Variants in TAS2R1 observed in about 807,000 individuals in gnomAD.
The protein encoded by TAS2R1 is taste receptor type 2 member 1.
For missense variants in TAS2R1, 370 were observed against 353.4 expected (o/e 1.05, Z -0.38); for synonymous variants, 141 against 134.2 (o/e 1.05, Z -0.35).
the TAS2R1 span, among the ~76,000 whole-genome samples, chr5:9,718,237 G>A: frequency 1.3e-5 from 2 of 151,516 alleles, no homozygotes; most frequent in South Asian, 2.1e-4. Flanking sequence ...CCAAAGTGTT[G>A]GGATTACAGG....
the TAS2R1 span, among the ~76,000 whole-genome samples, chr5:9,755,199 T>A: frequency 0.33 from 49,878 of 151,946 alleles, 9,401 homozygotes; most frequent in Admixed American, 0.43. Context: ...AGAGTCCCGA[T>A]CCAGACTCCG....
the TAS2R1 span, among the ~76,000 whole-genome samples, chr5:9,787,281 T>C: frequency 1.3e-5 from 2 of 152,082 alleles, no homozygotes; most frequent in African/African-American, 4.8e-5. Context: ...TAAGAGAAAA[T>C]TTGCTTTGCA....
the TAS2R1 span, among the ~76,000 whole-genome samples, chr5:9,895,229 A>C: frequency 5.3e-5 from 8 of 152,236 alleles, no homozygotes; most frequent in Non-Finnish European, 1.2e-4. Context: ...CTGCAAAACC[A>C]GTGCCTTCTG....
At chr5:9,695,025 C>A (rs1468927325) in intron 1 of TAS2R1, among the ~76,000 whole-genome samples, 7 of 152,154 alleles carry the variant, frequency 4.6e-5, no homozygotes, top group Non-Finnish European at 8.8e-5. Context: ...GGTCAAATCC[C>A]AAGGGCACTG....
chr5:9,680,349 G>T (rs989477644), intron 1 of TAS2R1, among the ~76,000 whole-genome samples: 1 of 152,068 alleles, frequency 6.6e-6, no homozygotes, highest in Non-Finnish European at 1.5e-5. Context: ...CCTCAAGAAG[G>T]GGGAGCATAA....
the TAS2R1 span, among the ~76,000 whole-genome samples, chr5:9,780,588 T>A: frequency 6.6e-6 from 1 of 152,206 alleles, no homozygotes; most frequent in East Asian, 1.9e-4. Flanking sequence ...GTAATGATTA[T>A]ACTCTTTTGG....
chr5:9,736,841 T>A, the TAS2R1 span, among the ~76,000 whole-genome samples: 37 of 152,170 alleles, frequency 2.4e-4, 1 homozygote, highest in Admixed American at 2.4e-3. Flanking sequence ...CAAAAGGGCC[T>A]ATGTCTGTCA....
chr5:9,681,121 G>A (rs1453341079), intron 1 of TAS2R1, among the ~76,000 whole-genome samples: 2 of 151,764 alleles, frequency 1.3e-5, no homozygotes, highest in African/African-American at 4.8e-5. Context: ...ATCTAACATG[G>A]TATCCTGAAT....
the TAS2R1 span, among the ~76,000 whole-genome samples, chr5:9,774,248 T>A: frequency 2.0e-5 from 3 of 152,228 alleles, no homozygotes; most frequent in Non-Finnish European, 1.5e-5. Context: ...AATTTTCAAC[T>A]CCAGAATTTC....
At chr5:9,845,811 C>T in the TAS2R1 span, among the ~76,000 whole-genome samples, 1 of 152,152 alleles carries the variant, frequency 6.6e-6, no homozygotes, top group South Asian at 2.1e-4. Flanking sequence ...ATTTGGTTTA[C>T]TGGTGGACAT....
chr5:9,666,973 G>A (rs1039203555), intron 1 of TAS2R1, among the ~76,000 whole-genome samples: 1 of 151,806 alleles, frequency 6.6e-6, no homozygotes, highest in African/African-American at 2.4e-5. Flanking sequence ...CAAGCTCAAG[G>A]CAAATTTTTT....
intron 1 of TAS2R1, among the ~76,000 whole-genome samples, chr5:9,687,570 C>T (rs1741153560): frequency 6.6e-6 from 1 of 152,126 alleles, no homozygotes; most frequent in Non-Finnish European, 1.5e-5. Context: ...TCCCTTTCTG[C>T]CTGTAGTCCA....
the TAS2R1 span, among the ~76,000 whole-genome samples, chr5:9,786,914 T>A: frequency 1.3e-5 from 2 of 152,170 alleles, no homozygotes; most frequent in Non-Finnish European, 2.9e-5. Flanking sequence ...ATTCTTCTCC[T>A]CTTATGCTTT....
chr5:9,809,919 C>G, the TAS2R1 span, among the ~76,000 whole-genome samples: 1 of 152,300 alleles, frequency 6.6e-6, no homozygotes, highest in East Asian at 1.9e-4. Context: ...TCTGACATGC[C>G]TAAAAGTGAA....
chr5:9,864,702 T>A, the TAS2R1 span, among the ~76,000 whole-genome samples: 1 of 151,048 alleles, frequency 6.6e-6, no homozygotes, highest in Non-Finnish European at 1.5e-5. Context: ...GAGTGCTCTA[T>A]CATCATCCAG....
At chr5:9,745,836 T>C in the TAS2R1 span, among the ~76,000 whole-genome samples, 19 of 151,944 alleles carry the variant, frequency 1.3e-4, no homozygotes, top group African/African-American at 4.1e-4. Context: ...CTAGGCAATA[T>C]CATTCAGGAC....
the TAS2R1 span, among the ~76,000 whole-genome samples, chr5:9,807,365 A>G: frequency 3.3e-5 from 5 of 152,286 alleles, no homozygotes; most frequent in South Asian, 2.1e-4. Context: ...AACGAAAAGT[A>G]TATCTATTAT....
At chr5:9,656,074 T>A (rs1561370774) in intron 2 of TAS2R1, among the ~76,000 whole-genome samples, 1 of 152,120 alleles carries the variant, frequency 6.6e-6, no homozygotes, top group Non-Finnish European at 1.5e-5. Flanking sequence ...GCACTTACTA[T>A]CCAGTTTTCC....
chr5:9,845,984 T>C, the TAS2R1 span, among the ~76,000 whole-genome samples: 1 of 152,206 alleles, frequency 6.6e-6, no homozygotes, highest in African/African-American at 2.4e-5. Context: ...AAACATATTA[T>C]TCATATATTA....
Sources: gnomAD v4.1 joint callset for allele counts (sites outside exome capture counted in the v4.1 genomes callset) on GRCh38, gnomAD v4.1.1 for gene constraint, MANE v1.5 for transcripts, NCBI Gene and HGNC (gene_info 2026-07-23, HGNC 2026-07-21) for gene names.